GPR107: variants seen among roughly 807,000 people sequenced by gnomAD.
The protein encoded by GPR107 is G protein-coupled receptor 107, also known as protein GPR107.
GPR107 carries 31 observed loss-of-function variants against 75.5 expected under a neutral mutation model. That is an observed-to-expected ratio of 0.41 (90% CI 0.31 to 0.55). The LOEUF (loss-of-function observed/expected upper bound fraction) is 0.55. Among genes scored for constraint, GPR107 ranks in the 20% least tolerant of loss-of-function variants. The pLI, the probability that GPR107 is intolerant of heterozygous loss-of-function variation, is 0.26. For missense variants in GPR107, 572 were observed against 665.7 expected, an observed-to-expected ratio of 0.86 and a Z score of 1.55; for synonymous variants, 267 against 251.3, an observed-to-expected ratio of 1.06 and a Z score of -0.59.
At chr9:130,132,767 C>T (rs1030037835) in intron 17 of GPR107, among the ~76,000 whole-genome samples, 1 of 151,196 alleles carries the variant, frequency 6.6e-6, no homozygotes, top group Admixed American at 6.6e-5. Flanking sequence ...GCCTGGGTGA[C>T]AGAGCGAGAC....
intron 9 of GPR107, among the ~76,000 whole-genome samples, chr9:130,096,549 A>G (rs1465027153): frequency 6.7e-6 from 1 of 148,216 alleles, no homozygotes; most frequent in Non-Finnish European, 1.5e-5. Flanking sequence ...GCTCACTGCA[A>G]CCTCCGCCTC....
chr9:130,128,174 A>G (rs562168489), intron 16 of GPR107, among the ~76,000 whole-genome samples: 26 of 152,364 alleles, frequency 1.7e-4, no homozygotes, highest in South Asian at 6.2e-4. Flanking sequence ...TAGAACTTAG[A>G]TGAGATGTGG....
chr9:130,087,443 G>A (rs553167950), intron 7 of GPR107, among the ~76,000 whole-genome samples: 8 of 152,106 alleles, frequency 5.3e-5, no homozygotes, highest in Admixed American at 3.3e-4. Flanking sequence ...TGAGGTAGGC[G>A]GATTGCTTGA....
intron 1 of GPR107, among the ~76,000 whole-genome samples, chr9:130,062,889 A>G (rs993127972): frequency 6.6e-6 from 1 of 151,860 alleles, no homozygotes; most frequent in African/African-American, 2.4e-5. Flanking sequence ...ACATCTGACT[A>G]ATTTTTTTAT....
intron 13 of GPR107, among the ~76,000 whole-genome samples, chr9:130,105,612 G>A (rs953123907): frequency 4.0e-5 from 6 of 151,730 alleles, no homozygotes; most frequent in Non-Finnish European, 8.8e-5. Context: ...TGAGGATCCT[G>A]GGGTTTGTCA....
chr9:130,066,302 G>A lies in GPR107; in HGVS notation c.142-9334G>A, dbSNP rs559265732. 3.3e-5 allele frequency among the ~76,000 whole-genome samples: 5 copies of A among 151,922 alleles called. No individual in the cohort carries two copies. The East Asian group carries it at 9.6e-4, about 29-fold the overall frequency. ...CAATAAGAGTGAAACTCTGTCCCAA[G>A]AAAAATAAAAATAAAAATAAATTTA... On this transcript the variant is annotated intron_variant, in intron 1 of 17. Transcript: ENST00000347136.
At chr9:130,104,601 C>T in intron 13 of GPR107, 51 bp downstream of exon 13, 1 of 1,528,842 alleles carries the variant, frequency 6.5e-7, no homozygotes, top group Non-Finnish European at 9.1e-7. Flanking sequence ...CTGTCAAGCC[C>T]AATAGCTGAA....
chr9:130,089,615 A>G (rs1310934707), intron 7 of GPR107, among the ~76,000 whole-genome samples: 1 of 152,228 alleles, frequency 6.6e-6, no homozygotes, highest in Non-Finnish European at 1.5e-5. Context: ...ACTCTGATCA[A>G]CTATGATGAT....
chr9:130,104,569 G>C lies in GPR107; in HGVS notation c.1262+19G>C. 1 of 1,609,526 alleles carries C rather than the reference G, an allele frequency of 6.2e-7. No individual in the cohort carries two copies. The highest frequency in any genetic ancestry group is 8.5e-7 in the Non-Finnish European group (1 of 1,176,078). On this transcript the variant is annotated intron_variant, in intron 13 of 17. Coordinates refer to ENST00000347136, the MANE Select transcript of GPR107 (RefSeq NM_020960.5). The stretch of plus-strand genomic sequence containing the variant: ...TGGTGTGGTGAGTAGCTCACAGGGA[G>C]GGAGGCCACATGACAGCTTGGCTGT...
At chr9:130,109,575 T>C (rs912823986) in intron 14 of GPR107, among the ~76,000 whole-genome samples, 1 of 151,122 alleles carries the variant, frequency 6.6e-6, no homozygotes, top group Admixed American at 6.6e-5. Context: ...TTCTTTCTTT[T>C]TTTTTTTTTT....
chr9:130,113,245 C>CTT (rs10564750), intron 14 of GPR107, among the ~76,000 whole-genome samples: 1 of 128,788 alleles, frequency 7.8e-6, no homozygotes. Context: ...TTTCCCAGAT[C>CTT]TTTTTTTTTT....
chr9:130,075,376 C>T (rs112257994), intron 1 of GPR107, among the ~76,000 whole-genome samples: 4,557 of 151,072 alleles, frequency 0.03, 77 homozygotes, highest in Middle Eastern at 0.037. Context: ...TCCCAAGTAG[C>T]TGGGATTACA....
chr9:130,110,862 A>G (rs1054078268), intron 14 of GPR107, among the ~76,000 whole-genome samples: 5 of 152,174 alleles, frequency 3.3e-5, no homozygotes, highest in Non-Finnish European at 7.3e-5. Flanking sequence ...TGAGATCTGG[A>G]GGCAACTAGG....
chr9:130,074,407 C>G (rs945297482), intron 1 of GPR107, among the ~76,000 whole-genome samples: 3 of 152,142 alleles, frequency 2.0e-5, no homozygotes, highest in Admixed American at 2.0e-4. Context: ...AATCAAATTG[C>G]AGACTTACGG....
chr9:130,100,349 A>G (rs1390593928), intron 10 of GPR107, among the ~76,000 whole-genome samples: 1 of 152,232 alleles, frequency 6.6e-6, no homozygotes, highest in Non-Finnish European at 1.5e-5. Context: ...GAACTTATGC[A>G]AATTAAAATG....
At chr9:130,114,286 T>C (rs1014794518) in intron 14 of GPR107, among the ~76,000 whole-genome samples, 1 of 152,014 alleles carries the variant, frequency 6.6e-6, no homozygotes, top group Non-Finnish European at 1.5e-5. Flanking sequence ...GAAGGATTGC[T>C]TGAACCCGGG....
Position 130,090,975 on chromosome 9 carries a change from A to C in GPR107, c.721A>C (p.Ser241Arg). 1 of 1,381,674 alleles carries C rather than the reference A, an allele frequency of 7.2e-7. No individual in the cohort carries two copies. Among genetic ancestry groups the C allele is most frequent in the South Asian group, 1.2e-5 (1 of 85,694 alleles). 85.6% of individuals were successfully genotyped at this position (1,381,674 alleles called of 1,614,324 possible). The change falls in exon 8 of 18, where the codon AGC becomes CGC. Residue 241 changes from serine (S) to arginine (R), a missense_variant. Transcript: ENST00000347136. ...ATTGCCAAGTGACAAGTTTACATTC[A>C]GCCTTGATGTGAGTACTGTTTGGAG... ...KELPSDKFTF[S>R]LDIEITEKNP... is the part of the protein sequence containing the mutation.
At chr9:130,073,387 G>A (rs748775897) in intron 1 of GPR107, among the ~76,000 whole-genome samples, 45 of 152,158 alleles carry the variant, frequency 3.0e-4, no homozygotes, top group Admixed American at 1.0e-3. Context: ...GACATTTTCC[G>A]TGGGTTTAAT....
At chr9:130,127,724 A>G (rs1175904455) in intron 16 of GPR107, among the ~76,000 whole-genome samples, 158 bp downstream of exon 16, 1 of 152,018 alleles carries the variant, frequency 6.6e-6, no homozygotes, top group African/African-American at 2.4e-5. Context: ...AGTTTTTGAG[A>G]CAGGGTCTCA....
Sources: allele counts gnomAD v4.1 joint callset (sites outside exome capture counted in the v4.1 genomes callset), GRCh38; gene constraint gnomAD v4.1.1; transcripts MANE v1.5; gene names NCBI Gene and HGNC (gene_info 2026-07-23, HGNC 2026-07-21).